LARS2: variants seen among roughly 807,000 people sequenced by gnomAD.
The protein encoded by LARS2 is leucyl-tRNA synthetase 2, mitochondrial, also known as leucine--tRNA ligase, mitochondrial.
Under a neutral mutation model 116.6 loss-of-function variants are expected in LARS2, and 81 were observed. That is an observed-to-expected ratio of 0.69 (90% CI 0.58 to 0.84). The LOEUF is 0.84. Ranked by LOEUF, LARS2 falls within the 40% of genes least tolerant of loss-of-function variation. The probability of loss-of-function intolerance (pLI) is 0.00; values close to 1 mark genes in which losing one functional copy is unlikely to be tolerated. For missense variants in LARS2, 968 were observed against 1,114.5 expected, an observed-to-expected ratio of 0.87 and a Z score of 1.87; for synonymous variants, 396 against 407.2, an observed-to-expected ratio of 0.97 and a Z score of 0.33.
chr3:45,475,295 C>T (rs1699593012), intron 9 of LARS2, among the ~76,000 whole-genome samples: 1 of 152,194 alleles, frequency 6.6e-6, no homozygotes, highest in Non-Finnish European at 1.5e-5. Flanking sequence ...CCTGTGCAGC[C>T]TCCTCACAAA....
At position 45,484,603 on chromosome 3, in the gene LARS2, CAAAAAAA is replaced by C. The variant is rs1156814528; in HGVS notation, c.1019-1067_1019-1061del. On this transcript the variant is annotated intron_variant, in intron 10 of 21. Coordinates refer to ENST00000645846, the MANE Select transcript of LARS2 (RefSeq NM_015340.4). ...TGACATAGCAAGACCCCTGTCTCTA[CAAAAAAA>C]AAAAAAAAAAAAAAAAAAAAATATA... Among the ~76,000 whole-genome samples, 73 of 14,720 alleles carry C rather than the reference CAAAAAAA, an allele frequency of 5.0e-3. 8 individuals are homozygous for C. Among genetic ancestry groups the C allele is most frequent in the African/African-American group, 0.012 (64 of 5,418 alleles). The allele number at this position is 14,720 out of a possible 152,430, so 9.7% of individuals were successfully genotyped here.
intron 14 of LARS2, among the ~76,000 whole-genome samples, chr3:45,500,058 A>G (rs899837915): frequency 6.6e-6 from 1 of 151,910 alleles, no homozygotes; most frequent in African/African-American, 2.4e-5. Context: ...CTGGAGTGCA[A>G]TGGCACGATC....
At chr3:45,392,173 G>T (rs114618641) in intron 2 of LARS2, among the ~76,000 whole-genome samples, 1 of 152,046 alleles carries the variant, frequency 6.6e-6, no homozygotes, top group African/African-American at 2.4e-5. Context: ...TGTACAAAGC[G>T]TATGTATATT....
At position 45,513,158 on chromosome 3, in the gene LARS2, C is replaced by T. The variant is rs772859137; in HGVS notation, c.1784C>T (p.Ala595Val). ...KHREPFHKLL[A>V]QGLIKGQTFR... The stretch of plus-strand genomic sequence containing the variant: ...AGGGAGCCTTTTCATAAGCTGCTGG[C>T]CCAAGGCCTTATCAAGGGGCAGACA... Residue 595 changes from alanine to valine, a missense_variant, in exon 16 of 22, where the codon GCC (alanine) becomes GTC (valine). Transcript: ENST00000645846. 1 of 1,613,224 alleles carries T rather than the reference C, an allele frequency of 6.2e-7. No individual in the cohort carries two copies. The highest frequency in any genetic ancestry group is 8.5e-7 in the Non-Finnish European group (1 of 1,179,172).
intron 6 of LARS2, among the ~76,000 whole-genome samples, chr3:45,423,448 G>T (rs1485988352): frequency 1.3e-5 from 2 of 152,138 alleles, no homozygotes; most frequent in Admixed American, 1.3e-4. Context: ...CAGTAGCTGG[G>T]ATTACAGGCA....
Position 45,389,519 on chromosome 3 carries a change from T to TAGG in LARS2, c.-88+839_-88+840insAGG, listed in dbSNP as rs570437554. Among the ~76,000 whole-genome samples the TAGG allele has an allele frequency of 1.6e-4, 24 of 152,332 alleles. 1 individual carries two copies. The South Asian group carries it at 4.6e-3, about 29-fold the overall frequency. ...ACGGCCTAGAGGGCGGCCAGGGCAC[T>TAGG]CCCTCCTGCCTGTGCAGGGCCCTTC... On this transcript the variant is annotated intron_variant, in intron 1 of 21. Coordinates refer to ENST00000645846, the MANE Select transcript of LARS2 (RefSeq NM_015340.4).
chr3:45,435,866 G>C (rs541041322), intron 6 of LARS2, among the ~76,000 whole-genome samples: 1 of 152,240 alleles, frequency 6.6e-6, no homozygotes, highest in East Asian at 1.9e-4. Flanking sequence ...GTTGTATTTA[G>C]AGAGAATCAG....
intron 20 of LARS2, among the ~76,000 whole-genome samples, chr3:45,533,084 T>C (rs1223563665): frequency 2.0e-5 from 3 of 151,930 alleles, no homozygotes; most frequent in Non-Finnish European, 1.5e-5. Flanking sequence ...AGACTTTTAT[T>C]ATCTTCTTAA....
At chr3:45,501,449 C>T (rs372859966) in intron 15 of LARS2, among the ~76,000 whole-genome samples, 2 of 152,100 alleles carry the variant, frequency 1.3e-5, no homozygotes, top group East Asian at 1.9e-4. Context: ...GTCTTGCTTT[C>T]CTCACTCAAC....
chr3:45,521,673 A>G (rs1194675540), intron 19 of LARS2, among the ~76,000 whole-genome samples: 1 of 152,264 alleles, frequency 6.6e-6, no homozygotes, highest in Non-Finnish European at 1.5e-5. Context: ...AGAAAATGTT[A>G]TAGAAATAGC....
intron 20 of LARS2, among the ~76,000 whole-genome samples, chr3:45,536,100 A>G (rs1700701350): frequency 6.6e-6 from 1 of 152,000 alleles, no homozygotes; most frequent in Non-Finnish European, 1.5e-5. Context: ...TTTATTTCCA[A>G]TTGAAAGTTT....
chr3:45,520,365 G>A (rs1239242554), intron 19 of LARS2, 69 bp downstream of exon 19: 9 of 1,096,276 alleles, frequency 8.2e-6, no homozygotes, highest in Non-Finnish European at 1.1e-5. Flanking sequence ...GGCCCCACAG[G>A]GTCCCAAGAG....
chr3:45,432,702 C>T (rs1191759997), intron 6 of LARS2, among the ~76,000 whole-genome samples: 1 of 151,926 alleles, frequency 6.6e-6, no homozygotes, highest in Non-Finnish European at 1.5e-5. Flanking sequence ...AAATAAACAA[C>T]TTTACCACTT....
intron 10 of LARS2, among the ~76,000 whole-genome samples, chr3:45,480,866 A>G (rs1023856598): frequency 1.3e-5 from 2 of 152,188 alleles, no homozygotes; most frequent in African/African-American, 4.8e-5. Context: ...AGTACACTAC[A>G]TTTTTTTATA....
In LARS2 at chr3:45,516,149, G is replaced by A; in HGVS notation, c.1917G>A (p.Lys639=). The change falls in exon 17 of 22, where the codon AAG becomes AAA. Residue 639 remains lysine, a synonymous_variant. Coordinates refer to ENST00000645846, the MANE Select transcript of LARS2 (RefSeq NM_015340.4). Reference sequence around the variant, plus strand: ...AGAAGTTAGAGGTGACGTGGGAGAAGATGAGTAAGTCCAAACACAACGGGG... The same window carrying A: ...AGAAGTTAGAGGTGACGTGGGAGAAAATGAGTAAGTCCAAACACAACGGGG... The part of the protein sequence containing the change: ...TKEKLEVTWE[K]MSKSKHNGVD... The A allele has an allele frequency of 6.2e-7, 1 of 1,614,252 alleles. No homozygotes were observed. The highest frequency in any genetic ancestry group is 8.5e-7 in the Non-Finnish European group (1 of 1,180,044).
chr3:45,390,340 T>C (rs1390016560), intron 1 of LARS2, among the ~76,000 whole-genome samples: 1 of 151,972 alleles, frequency 6.6e-6, no homozygotes, highest in African/African-American at 2.4e-5. Context: ...TGAGACGGAG[T>C]CTTGCCCCGT....
At chr3:45,494,803 C>T (rs140212449) in intron 13 of LARS2, among the ~76,000 whole-genome samples, 42 of 152,342 alleles carry the variant, frequency 2.8e-4, no homozygotes, top group African/African-American at 9.6e-4. Context: ...CATGATGGCT[C>T]ATGCCTGTGA....
At chr3:45,508,722 T>C (rs879323583) in intron 15 of LARS2, among the ~76,000 whole-genome samples, 6 of 152,048 alleles carry the variant, frequency 3.9e-5, no homozygotes, top group Admixed American at 3.9e-4. Context: ...TCTTTGCTCA[T>C]ACTGTAATTA....
At chr3:45,535,449 C>T (rs1700686914) in intron 20 of LARS2, among the ~76,000 whole-genome samples, 1 of 152,052 alleles carries the variant, frequency 6.6e-6, no homozygotes, top group South Asian at 2.1e-4. Flanking sequence ...GACGTAATTT[C>T]ACCATCCTGA....
Sources: allele counts gnomAD v4.1 joint callset (sites outside exome capture counted in the v4.1 genomes callset), GRCh38; gene constraint gnomAD v4.1.1; transcripts MANE v1.5; gene names NCBI Gene and HGNC (gene_info 2026-07-23, HGNC 2026-07-21).